The following IQGAP2 variants were observed in gnomAD, a reference collection of about 807,000 sequenced individuals.
IQGAP2 encodes the protein IQ motif containing GTPase activating protein 2.
In IQGAP2, 173 loss-of-function variants were observed where a neutral mutation model predicts 201.3. The ratio of observed to expected loss-of-function variants is 0.86; its 90% CI spans 0.76 to 0.98. IQGAP2 has a LOEUF of 0.98. IQGAP2 is among the 50% of genes least tolerant of loss of function. The pLI, the probability that IQGAP2 is intolerant of heterozygous loss-of-function variation, is 0.00. For missense variants in IQGAP2, 1,687 were observed against 1,864.8 expected, an observed-to-expected ratio of 0.90 and a Z score of 1.76; for synonymous variants, 675 against 673.9, an observed-to-expected ratio of 1.00 and a Z score of -0.03.
At chr5:76,445,878 T>C (rs1269087162) in intron 1 of IQGAP2, among the ~76,000 whole-genome samples, 1 of 152,182 alleles carries the variant, frequency 6.6e-6, no homozygotes, top group African/African-American at 2.4e-5. Flanking sequence ...CAACCTCTAT[T>C]CTACTTTCTG....
At chr5:76,508,014 A>AAAG (rs1445811179) in intron 2 of IQGAP2, among the ~76,000 whole-genome samples, 1 of 150,222 alleles carries the variant, frequency 6.7e-6, no homozygotes, top group African/African-American at 2.5e-5. Context: ...CAAAAAAAAA[A>AAAG]AAAAAAAAAA....
intron 2 of IQGAP2, among the ~76,000 whole-genome samples, chr5:76,520,504 CTT>C (rs1580372423): frequency 6.6e-6 from 1 of 152,092 alleles, no homozygotes; most frequent in South Asian, 2.1e-4. Context: ...AGTACTCTAA[CTT>C]TTGTTTTTTC....
chr5:76,680,962 C>T (rs1056756424), intron 28 of IQGAP2, among the ~76,000 whole-genome samples: 16 of 150,966 alleles, frequency 1.1e-4, no homozygotes, highest in Non-Finnish European at 2.2e-4. Flanking sequence ...AAAAATTAAC[C>T]AGGTGCGGTG....
intron 1 of IQGAP2, among the ~76,000 whole-genome samples, chr5:76,434,556 T>C (rs1469801347): frequency 1.3e-5 from 2 of 152,202 alleles, no homozygotes; most frequent in Non-Finnish European, 2.9e-5. Flanking sequence ...TAGTATTCCA[T>C]AGTATATATA....
intron 33 of IQGAP2, among the ~76,000 whole-genome samples, chr5:76,700,426 C>T (rs1269985085): frequency 6.6e-6 from 1 of 152,038 alleles, no homozygotes; most frequent in Non-Finnish European, 1.5e-5. Flanking sequence ...CACTTGAACC[C>T]GGGAGGCAGA....
At position 76,631,599 on chromosome 5, in the gene IQGAP2, C is replaced by T. The variant is rs114092190; in HGVS notation, c.1613-260C>T. Reference sequence around the variant, plus strand: ...TCATAGATTACTACAGCAAGCAAAACCTAGTGCCTTCATACCACATATGAG... The same window carrying T: ...TCATAGATTACTACAGCAAGCAAAATCTAGTGCCTTCATACCACATATGAG... On this transcript the variant is annotated intron_variant, in intron 14 of 35. Coordinates refer to ENST00000274364, the MANE Select transcript of IQGAP2 (RefSeq NM_006633.5). 8.8e-3 allele frequency among the ~76,000 whole-genome samples: 1,346 copies of T among 152,188 alleles called. 16 individuals carry two copies. The highest frequency in any genetic ancestry group is 0.03 in the African/African-American group (1,261 of 41,544).
chr5:76,690,756 T>G (rs7708326), intron 30 of IQGAP2, among the ~76,000 whole-genome samples: 37,228 of 152,146 alleles, frequency 0.24, 5,193 homozygotes, highest in African/African-American at 0.37. Flanking sequence ...ATGAAATATT[T>G]TACATTCTTT....
intron 6 of IQGAP2, among the ~76,000 whole-genome samples, chr5:76,589,311 CAAAA>C (rs35291690): frequency 8.4e-5 from 9 of 106,796 alleles, no homozygotes; most frequent in Admixed American, 2.0e-4. Context: ...GACTCTGCCT[CAAAA>C]AAAAAAAAAA....
chr5:76,569,046 C>T (rs886512533), intron 3 of IQGAP2, among the ~76,000 whole-genome samples: 4 of 152,210 alleles, frequency 2.6e-5, no homozygotes, highest in African/African-American at 9.6e-5. Flanking sequence ...GACCTGTCAA[C>T]TCTCTGGGCT....
intron 1 of IQGAP2, among the ~76,000 whole-genome samples, chr5:76,440,140 G>A (rs1175648187): frequency 1.3e-5 from 2 of 152,120 alleles, no homozygotes; most frequent in Non-Finnish European, 2.9e-5. Flanking sequence ...CAAATTCTTG[G>A]CTGACAGTTA....
chr5:76,615,619 A>G (rs1412192002), intron 13 of IQGAP2: 1 of 152,196 alleles, frequency 6.6e-6, no homozygotes, highest in African/African-American at 2.4e-5. Context: ...ATTCACTACT[A>G]TCATTCACTC....
intron 17 of IQGAP2, among the ~76,000 whole-genome samples, chr5:76,647,254 C>T (rs1289501680): frequency 6.6e-6 from 1 of 152,104 alleles, no homozygotes; most frequent in East Asian, 1.9e-4. Flanking sequence ...AAGTAGTGAA[C>T]CTTGGGACCC....
chr5:76,492,829 A>G (rs1375689044), intron 2 of IQGAP2, among the ~76,000 whole-genome samples: 2 of 152,178 alleles, frequency 1.3e-5, no homozygotes, highest in Non-Finnish European at 2.9e-5. Context: ...AGAGTCTGTG[A>G]TGAGTAGTGT....
chr5:76,456,980 T>C (rs988509570), intron 1 of IQGAP2, among the ~76,000 whole-genome samples: 1 of 152,176 alleles, frequency 6.6e-6, no homozygotes, highest in African/African-American at 2.4e-5. Context: ...ATTGTGGACA[T>C]ATTTTTTTCT....
At chr5:76,454,801 T>C (rs1165157539) in intron 1 of IQGAP2, among the ~76,000 whole-genome samples, 2 of 152,150 alleles carry the variant, frequency 1.3e-5, no homozygotes, top group Non-Finnish European at 2.9e-5. Context: ...CCTTTGGGTA[T>C]ATACCCAGTA....
chr5:76,467,400 T>A (rs1169795718), intron 2 of IQGAP2, among the ~76,000 whole-genome samples: 4 of 152,230 alleles, frequency 2.6e-5, no homozygotes, highest in Non-Finnish European at 5.9e-5. Flanking sequence ...GTAGTCAACA[T>A]CATTAGTCAT....
chr5:76,627,584 A>G, intron 14 of IQGAP2, 84 bp downstream of exon 14: 2 of 759,604 alleles, frequency 2.6e-6, no homozygotes, highest in Non-Finnish European at 4.5e-6. Context: ...TTAATTTCTG[A>G]AAGATTTGGA....
intron 17 of IQGAP2, among the ~76,000 whole-genome samples, chr5:76,648,028 A>T (rs460374): frequency 0.5 from 76,114 of 151,838 alleles, 19,522 homozygotes; most frequent in Non-Finnish European, 0.56. Context: ...AGAGGAGCCA[A>T]GGCAGAGAGG....
At chr5:76,611,833 G>A (rs1748437952) in intron 13 of IQGAP2, among the ~76,000 whole-genome samples, 1 of 152,124 alleles carries the variant, frequency 6.6e-6, no homozygotes, top group Non-Finnish European at 1.5e-5. Flanking sequence ...TAAGGCCAAT[G>A]GGCTGAGTGG....
Sources: allele counts gnomAD v4.1 joint callset (sites outside exome capture counted in the v4.1 genomes callset), GRCh38; gene constraint gnomAD v4.1.1; transcripts MANE v1.5; gene names NCBI Gene and HGNC (gene_info 2026-07-23, HGNC 2026-07-21).